Variants in DIAPH2 observed in about 807,000 individuals in gnomAD.
The protein encoded by DIAPH2 is diaphanous related formin 2.
In DIAPH2, 35 loss-of-function variants were observed where a neutral mutation model predicts 92.7. The observed-to-expected ratio is 0.38, with a 90% confidence interval of 0.29 to 0.50. The LOEUF (loss-of-function observed/expected upper bound fraction) is 0.50. Ranked by LOEUF, DIAPH2 falls within the 20% of genes least tolerant of loss-of-function variation. The pLI is 0.94. For synonymous variants in DIAPH2, 301 were observed against 280.4 expected (o/e 1.07, Z -0.73); for missense variants, 701 against 819.5 (o/e 0.86, Z 1.77).
intron 12 of DIAPH2, among the ~76,000 whole-genome samples, chrX:96,939,599 T>C (rs1274902320): frequency 5.9e-5 from 3 of 50,857 alleles, no homozygotes; most frequent in East Asian, 1.1e-3. Context: ...TGTGTGTGTA[T>C]ATACACACAC....
At chrX:96,969,107 A>G (rs868567239) in intron 17 of DIAPH2, among the ~76,000 whole-genome samples, 3 of 112,285 alleles carry the variant, frequency 2.7e-5, no homozygotes, top group African/African-American at 9.7e-5. Flanking sequence ...TACCAGTACC[A>G]TGCTGTTTTG....
chrX:97,407,006 T>C (rs1329784139), intron 25 of DIAPH2, among the ~76,000 whole-genome samples: 5 of 111,795 alleles, frequency 4.5e-5, no homozygotes, highest in African/African-American at 1.6e-4. Context: ...ATATTAAAAA[T>C]TATGACTGTT....
chrX:96,762,610 A>T (rs1001195782), intron 4 of DIAPH2, among the ~76,000 whole-genome samples: 1 of 110,859 alleles, frequency 9.0e-6, no homozygotes, highest in Non-Finnish European at 1.9e-5. Context: ...ATATACTAAA[A>T]TACCTTAATA....
chrX:97,390,208 CTTTTTTTT>C (rs142044871), intron 25 of DIAPH2, among the ~76,000 whole-genome samples: 6 of 33,174 alleles, frequency 1.8e-4, no homozygotes, highest in African/African-American at 7.5e-4. Flanking sequence ...TGCTTTCTGT[CTTTTTTTT>C]TTTTTTTTTT....
intron 22 of DIAPH2, among the ~76,000 whole-genome samples, chrX:97,233,102 G>A (rs1255539367): frequency 8.9e-6 from 1 of 112,202 alleles, no homozygotes; most frequent in East Asian, 2.8e-4. Context: ...TGGGGGCAAA[G>A]ACAGTGGTTT....
At chrX:97,332,469 A>T (rs2069010263) in intron 23 of DIAPH2, among the ~76,000 whole-genome samples, 1 of 112,118 alleles carries the variant, frequency 8.9e-6, no homozygotes, top group Non-Finnish European at 1.9e-5. Context: ...TAAGTAAGCA[A>T]AGATAAACAA....
intron 16 of DIAPH2, among the ~76,000 whole-genome samples, chrX:96,962,352 C>T (rs1203563946): frequency 2.3e-4 from 10 of 44,169 alleles, no homozygotes; most frequent in African/African-American, 6.7e-4. Context: ...TATATATATA[C>T]ACATATATAT....
At chrX:97,202,496 A>T (rs1479454933) in intron 22 of DIAPH2, among the ~76,000 whole-genome samples, 1 of 111,671 alleles carries the variant, frequency 9.0e-6, no homozygotes, top group Non-Finnish European at 1.9e-5. Context: ...AAGCAAAAAA[A>T]TAAAAAATAA....
chrX:96,985,771 A>C (rs1012539633), intron 17 of DIAPH2, among the ~76,000 whole-genome samples: 1 of 110,398 alleles, frequency 9.1e-6, no homozygotes, highest in Admixed American at 9.7e-5. Context: ...AGTTCATATG[A>C]CTCTTAGAAA....
At chrX:96,898,577 GT>G (rs1243212488) in intron 5 of DIAPH2, among the ~76,000 whole-genome samples, 5 of 104,511 alleles carry the variant, frequency 4.8e-5, no homozygotes, top group African/African-American at 1.7e-4. Context: ...GGGGTTGTTT[GT>G]TTTTTTTCTT....
At chrX:97,523,296 C>A (rs369820252) in intron 26 of DIAPH2, among the ~76,000 whole-genome samples, 1 of 111,586 alleles carries the variant, frequency 9.0e-6, no homozygotes, top group African/African-American at 3.3e-5. Flanking sequence ...ATTCCTTTGT[C>A]CCTAACTCCT....
At chrX:96,938,152 A>G (rs755805843) in intron 11 of DIAPH2, among the ~76,000 whole-genome samples, 4 of 110,945 alleles carry the variant, frequency 3.6e-5, no homozygotes. Context: ...TGTTTGTTCT[A>G]TTTTATTTAT....
At chrX:97,011,318 TC>T (rs1655035512) in intron 17 of DIAPH2, among the ~76,000 whole-genome samples, 1 of 112,032 alleles carries the variant, frequency 8.9e-6, no homozygotes, top group African/African-American at 3.2e-5. Flanking sequence ...CTTCATTTGT[TC>T]ATCAGCCATT....
intron 23 of DIAPH2, among the ~76,000 whole-genome samples, chrX:97,262,466 G>GA (rs2068296798): frequency 2.7e-5 from 3 of 112,307 alleles, no homozygotes; most frequent in African/African-American, 9.7e-5. Flanking sequence ...CTGGATTGCA[G>GA]CAAGTGAGGG....
chrX:97,210,508 A>G (rs1342805594), intron 22 of DIAPH2, among the ~76,000 whole-genome samples: 1 of 111,916 alleles, frequency 8.9e-6, no homozygotes, highest in Non-Finnish European at 1.9e-5. Context: ...TTTATCCAGC[A>G]TTGTATTTTC....
intron 19 of DIAPH2, among the ~76,000 whole-genome samples, chrX:97,078,306 G>C (rs1406497285): frequency 8.9e-6 from 1 of 111,766 alleles, no homozygotes. Flanking sequence ...AATTTGTAAA[G>C]ATATGATAAA....
rs1296297299 is a variant in DIAPH2 at position 97,097,360 on chromosome X, T to A, written c.2248-2334T>A. ...TTTTATTCTAATTCGCAAGTACAACTTACTAAACAGTGGCAGTTACATAAG... is the reference window on the plus strand; with the variant it reads ...TTTTATTCTAATTCGCAAGTACAACATACTAAACAGTGGCAGTTACATAAG... On this transcript the variant is annotated intron_variant, in intron 19 of 26. Coordinates refer to ENST00000324765, the MANE Select transcript of DIAPH2 (RefSeq NM_006729.5). Among the ~76,000 whole-genome samples the A allele has an allele frequency of 5.4e-5, 6 of 111,894 alleles. No homozygotes were observed. In the Admixed American group the frequency reaches 5.7e-4, roughly 11 times the overall value.
At chrX:97,379,212 A>G (rs1465472498) in intron 24 of DIAPH2, among the ~76,000 whole-genome samples, 1 of 111,685 alleles carries the variant, frequency 9.0e-6, no homozygotes, top group East Asian at 2.8e-4. Flanking sequence ...TATTCAGTAT[A>G]GTTATGAGGG....
At chrX:96,895,148 C>T (rs2065336216) in intron 5 of DIAPH2, among the ~76,000 whole-genome samples, 1 of 109,653 alleles carries the variant, frequency 9.1e-6, no homozygotes, top group Admixed American at 9.8e-5. Context: ...GGATTACTGG[C>T]GTGCGCCACC....
Sources: allele counts gnomAD v4.1 joint callset (sites outside exome capture counted in the v4.1 genomes callset), GRCh38; gene constraint gnomAD v4.1.1; transcripts MANE v1.5; gene names NCBI Gene and HGNC (gene_info 2026-07-23, HGNC 2026-07-21).